Variants in SLC38A1 observed in about 807,000 individuals in gnomAD.
SLC38A1 encodes the protein sodium-coupled neutral amino acid symporter 1.
A neutral mutation model predicts 60.3 loss-of-function variants in SLC38A1; 18 were observed. The observed-to-expected ratio is 0.30, with a 90% CI of 0.21 to 0.44. The LOEUF (loss-of-function observed/expected upper bound fraction) is 0.44. SLC38A1 is among the 20% of genes least tolerant of loss of function. The probability of loss-of-function intolerance (pLI) is 1.00; values close to 1 mark genes in which losing one functional copy is unlikely to be tolerated. For synonymous variants in SLC38A1, 196 were observed against 212.1 expected (o/e 0.92, Z 0.66); for missense variants, 448 against 587.2 (o/e 0.76, Z 2.45).
intron 9 of SLC38A1, 93 bp downstream of exon 9, chr12:46,205,987 G>T: frequency 1.4e-6 from 1 of 704,468 alleles, no homozygotes; most frequent in Non-Finnish European, 2.5e-6. Flanking sequence ...AGTGCATGCA[G>T]AGGGGAAGCA....
chr12:46,195,852 T>A (rs1018277146), intron 16 of SLC38A1: 8 of 318,186 alleles, frequency 2.5e-5, no homozygotes, highest in Non-Finnish European at 4.4e-5. Context: ...CCAGTTACAG[T>A]CTGTCATGGC....
intron 5 of SLC38A1, among the ~76,000 whole-genome samples, chr12:46,223,070 G>A (rs1029795475): frequency 1.3e-5 from 2 of 152,148 alleles, no homozygotes; most frequent in African/African-American, 2.4e-5. Flanking sequence ...TAAAAATAAA[G>A]TTTTTCTCAA....
At chr12:46,223,666 T>G (rs1940751279) in intron 5 of SLC38A1, among the ~76,000 whole-genome samples, 2 of 152,176 alleles carry the variant, frequency 1.3e-5, no homozygotes, top group African/African-American at 4.8e-5. Flanking sequence ...CAAATAAAAT[T>G]TAAACTATTG....
intron 1 of SLC38A1, among the ~76,000 whole-genome samples, chr12:46,245,227 G>A (rs893933806): frequency 1.1e-4 from 16 of 152,284 alleles, no homozygotes; most frequent in Admixed American, 1.0e-3. Context: ...TTATTGTGAA[G>A]AACTAATATA....
intron 5 of SLC38A1, among the ~76,000 whole-genome samples, chr12:46,219,704 A>C (rs7965237): frequency 0.18 from 27,143 of 152,170 alleles, 4,078 homozygotes; most frequent in East Asian, 0.45. Context: ...CTCTACTGTG[A>C]TAACTCCAAC....
chr12:46,237,014 C>T (rs564621253), intron 3 of SLC38A1, among the ~76,000 whole-genome samples: 14 of 152,304 alleles, frequency 9.2e-5, no homozygotes, highest in African/African-American at 2.9e-4. Flanking sequence ...ACTGGAATAA[C>T]GGCAGATGTC....
At chr12:46,231,115 C>T (rs1364101100) in intron 3 of SLC38A1, among the ~76,000 whole-genome samples, 2 of 106,434 alleles carry the variant, frequency 1.9e-5, no homozygotes, top group African/African-American at 5.7e-5. Flanking sequence ...AATACTATGT[C>T]ACCATAACAA....
chr12:46,218,300 T>A lies in SLC38A1; in HGVS notation c.315-9173A>T, dbSNP rs180827127. 2.4e-3 allele frequency among the ~76,000 whole-genome samples: 371 copies of A among 152,064 alleles called. 2 individuals carry two copies. Among genetic ancestry groups the A allele is most frequent in the Non-Finnish European group, 3.8e-3 (257 of 67,996 alleles). The stretch of plus-strand genomic sequence containing the variant: ...CGTTTCCCTTCTCCTCAAACCTAGA[T>A]CCCTACTCTTTATCATATTCTAAAG... On this transcript the variant is annotated intron_variant, in intron 5 of 16. Coordinates refer to ENST00000398637, the MANE Select transcript of SLC38A1 (RefSeq NM_030674.4).
At chr12:46,207,297 TA>T in intron 7 of SLC38A1, 61 bp from the exon 8 acceptor site, 1 of 1,439,406 alleles carries the variant, frequency 6.9e-7, no homozygotes, top group Non-Finnish European at 9.7e-7. Context: ...GCAAGCTACA[TA>T]AAAAGTTATC....
intron 16 of SLC38A1, among the ~76,000 whole-genome samples, chr12:46,192,561 T>A (rs998165803): frequency 2.0e-5 from 3 of 152,346 alleles, no homozygotes; most frequent in African/African-American, 4.8e-5. Context: ...CTTCTGGTCC[T>A]GGACTTTTTT....
rs1299900392 is a variant in SLC38A1 at position 46,187,103 on chromosome 12, A to G, written c.*1867T>C. ...TAACCTAATGTGGATATGATTCTGT[A>G]GCATTATATTAAAAGCTATGATGAT... On this transcript the variant is annotated 3_prime_UTR_variant, in exon 17 of 17. Transcript: ENST00000398637. 1 of 152,224 alleles carries G rather than the reference A, an allele frequency of 6.6e-6. No homozygotes were observed. Among genetic ancestry groups the G allele is most frequent in the African/African-American group, 2.4e-5 (1 of 41,452 alleles). 9.4% of individuals were successfully genotyped at this position (152,224 alleles called of 1,614,324 possible).
chr12:46,198,181 T>C, intron 14 of SLC38A1, 121 bp from the exon 15 acceptor site: 2 of 1,063,654 alleles, frequency 1.9e-6, no homozygotes, highest in South Asian at 3.2e-5. Context: ...TAATGCCTAG[T>C]GAATTTATAG....
intron 2 of SLC38A1, among the ~76,000 whole-genome samples, chr12:46,242,605 C>A (rs1363880328): frequency 6.6e-6 from 1 of 151,256 alleles, no homozygotes; most frequent in East Asian, 2.1e-4. Context: ...CTACAAAAAA[C>A]AAACAACAAC....
chr12:46,237,826 T>C (rs1941311634), intron 3 of SLC38A1, among the ~76,000 whole-genome samples: 1 of 151,862 alleles, frequency 6.6e-6, no homozygotes, highest in African/African-American at 2.4e-5. Context: ...AACCACAATG[T>C]CCTACTTGTG....
At chr12:46,239,613 G>C (rs934374993) in intron 3 of SLC38A1, 66 bp downstream of exon 3, 1 of 1,583,580 alleles carries the variant, frequency 6.3e-7, no homozygotes, top group East Asian at 2.3e-5. Flanking sequence ...AAAGTGATGG[G>C]ATTACAGGTG....
At chr12:46,191,430 C>A (rs1939141068) in intron 16 of SLC38A1, among the ~76,000 whole-genome samples, 1 of 152,056 alleles carries the variant, frequency 6.6e-6, no homozygotes, top group South Asian at 2.1e-4. Flanking sequence ...TTTTTTGGTT[C>A]CATATGAATT....
At chr12:46,265,349 A>G (rs1942320012) in intron 1 of SLC38A1, among the ~76,000 whole-genome samples, 1 of 152,214 alleles carries the variant, frequency 6.6e-6, no homozygotes. Context: ...CCAAAATGTG[A>G]AGGATAAACA....
At chr12:46,221,661 C>T (rs1940663073) in intron 5 of SLC38A1, among the ~76,000 whole-genome samples, 1 of 152,172 alleles carries the variant, frequency 6.6e-6, no homozygotes, top group South Asian at 2.1e-4. Flanking sequence ...GGAGCAGCTA[C>T]GTGCAAATGC....
At position 46,240,683 on chromosome 12, in the gene SLC38A1, T is replaced by A. The variant is rs1941416592; in HGVS notation, c.-93-790A>T. On this transcript the variant is annotated intron_variant, in intron 2 of 16. Transcript: ENST00000398637. ...GGTAGTCAACCAGTAAACAACAAAT[T>A]TATGTTTTGAAATTTTGCAAGTAGT... 2.0e-5 allele frequency among the ~76,000 whole-genome samples: 3 copies of A among 152,034 alleles called. No individual in the cohort carries two copies. The South Asian group carries it at 6.2e-4, about 32-fold the overall frequency.
Sources: allele counts gnomAD v4.1 joint callset (sites outside exome capture counted in the v4.1 genomes callset), GRCh38; gene constraint gnomAD v4.1.1; transcripts MANE v1.5; gene names NCBI Gene and HGNC (gene_info 2026-07-23, HGNC 2026-07-21).